Variants in DCUN1D1 observed in about 807,000 individuals in gnomAD.
The protein encoded by DCUN1D1 is defective in cullin neddylation 1 domain containing 1.
DCUN1D1 carries 3 observed loss-of-function variants against 39.0 expected under a neutral mutation model. The observed-to-expected ratio is 0.08, with a 90% confidence interval of 0.04 to 0.20. DCUN1D1 has a LOEUF of 0.20. Among genes scored for constraint, DCUN1D1 ranks in the 10% least tolerant of loss-of-function variants. The pLI is 1.00. For synonymous variants in DCUN1D1, 82 were observed against 96.3 expected (o/e 0.85, Z 0.87); for missense variants, 158 against 302.4 (o/e 0.52, Z 3.54).
intron 4 of DCUN1D1, among the ~76,000 whole-genome samples, chr3:182,951,617 C>CAAAAAAAAA (rs748698621): frequency 2.3e-5 from 1 of 44,382 alleles, no homozygotes; most frequent in African/African-American, 8.1e-5. Context: ...CCCTGTCTCC[C>CAAAAAAAAA]AAAAAAAAAA....
At chr3:182,974,875 T>C (rs1157359913) in intron 1 of DCUN1D1, among the ~76,000 whole-genome samples, 2 of 152,092 alleles carry the variant, frequency 1.3e-5, no homozygotes, top group African/African-American at 4.8e-5. Context: ...ACTATTTCAG[T>C]GATTTTTTTT....
At chr3:182,949,266 G>C (rs1726581495) in intron 4 of DCUN1D1, among the ~76,000 whole-genome samples, 1 of 152,130 alleles carries the variant, frequency 6.6e-6, no homozygotes, top group African/African-American at 2.4e-5. Flanking sequence ...GGGAGGCTGA[G>C]ACAGGAGAAT....
At chr3:182,968,583 G>C (rs1348376986) in intron 1 of DCUN1D1, among the ~76,000 whole-genome samples, 2 of 150,798 alleles carry the variant, frequency 1.3e-5, no homozygotes, top group Non-Finnish European at 3.0e-5. Context: ...TGTAATAAAT[G>C]ATATATATAT....
At chr3:182,948,691 A>G (rs183640494) in intron 4 of DCUN1D1, among the ~76,000 whole-genome samples, 158 of 152,310 alleles carry the variant, frequency 1.0e-3, no homozygotes, top group Middle Eastern at 6.8e-3. Context: ...ACCATTCTTT[A>G]TAATTGAGAA....
At chr3:182,971,670 T>G (rs894914954) in intron 1 of DCUN1D1, among the ~76,000 whole-genome samples, 1 of 152,136 alleles carries the variant, frequency 6.6e-6, no homozygotes, top group Non-Finnish European at 1.5e-5. Context: ...GAGCTTCTAC[T>G]GTGTGCCAGG....
chr3:182,982,462 T>C (rs2108413082), upstream of DCUN1D1, among the ~76,000 whole-genome samples: 1 of 152,268 alleles, frequency 6.6e-6, no homozygotes, highest in South Asian at 2.1e-4. Context: ...TCTAAAACTT[T>C]ATCCCCAAAC....
At chr3:182,963,735 A>G (rs1727520289) in intron 3 of DCUN1D1, 146 bp downstream of exon 3, 1 of 660,984 alleles carries the variant, frequency 1.5e-6, no homozygotes, top group Non-Finnish European at 2.4e-6. Flanking sequence ...AAAAAACTGT[A>G]TAACATGGAA....
At chr3:182,959,423 C>T (rs1406720851) in intron 4 of DCUN1D1, among the ~76,000 whole-genome samples, 3 of 150,766 alleles carry the variant, frequency 2.0e-5, no homozygotes, top group Non-Finnish European at 4.4e-5. Flanking sequence ...ATACTTTTTC[C>T]CCCCAATTTA....
intron 1 of DCUN1D1, among the ~76,000 whole-genome samples, chr3:182,969,959 G>C (rs757379963): frequency 3.3e-5 from 5 of 152,096 alleles, no homozygotes; most frequent in African/African-American, 4.8e-5. Context: ...AGAAATTCAA[G>C]AATTAAGAGA....
At chr3:182,971,038 A>G (rs1727910076) in intron 1 of DCUN1D1, among the ~76,000 whole-genome samples, 1 of 152,234 alleles carries the variant, frequency 6.6e-6, no homozygotes, top group Non-Finnish European at 1.5e-5. Flanking sequence ...CTACCTGTAC[A>G]GAGGCAATAT....
intron 1 of DCUN1D1, among the ~76,000 whole-genome samples, 153 bp downstream of exon 1, chr3:182,980,334 G>A (rs1458255365): frequency 6.6e-6 from 1 of 151,604 alleles, no homozygotes; most frequent in Non-Finnish European, 1.5e-5. Flanking sequence ...GGGAGAGGCA[G>A]GCAGGAGAGC....
Position 182,938,871 on chromosome 3 carries a change from A to G in DCUN1D1, c.*6223T>C, listed in dbSNP as rs916594674. ...GTTTAATTACCACCACCAGTCAGTC[A>G]TAGGCTAGTCGAGTAGCTGTATCAA... On this transcript the variant is annotated 3_prime_UTR_variant, in exon 7 of 7. Coordinates refer to ENST00000292782, the MANE Select transcript of DCUN1D1 (RefSeq NM_020640.4). 6.6e-6 allele frequency: 1 copy of G among 152,346 alleles called. No individual in the cohort carries two copies. Among genetic ancestry groups the G allele is most frequent in the African/African-American group, 2.4e-5 (1 of 41,470 alleles). The allele number at this position is 152,346 out of a possible 1,614,324, so 9.4% of individuals were successfully genotyped here.
rs986030183 is a variant in DCUN1D1 at position 182,980,430 on chromosome 3, T to C, written c.3+57A>G. On this transcript the variant is annotated intron_variant, in intron 1 of 6. Coordinates refer to ENST00000292782, the MANE Select transcript of DCUN1D1 (RefSeq NM_020640.4). ...GGACGGAGGGCGGCCGGGGCGGGGG[T>C]GCGCGGCAGCGCCGGCCCCCAGCCG... The C allele has an allele frequency of 7.8e-6, 8 of 1,029,136 alleles. No homozygotes were observed. In the Admixed American group the frequency reaches 1.7e-4, roughly 22 times the overall value. The allele number at this position is 1,029,136 out of a possible 1,614,324, so 63.8% of individuals were successfully genotyped here.
intron 1 of DCUN1D1, among the ~76,000 whole-genome samples, chr3:182,979,592 G>A (rs1728412671): frequency 6.8e-5 from 2 of 29,210 alleles, no homozygotes; most frequent in South Asian, 2.0e-3. Flanking sequence ...AGCCTGGAGA[G>A]GACTTTTTCC....
intron 4 of DCUN1D1, among the ~76,000 whole-genome samples, chr3:182,952,312 T>C (rs911522847): frequency 6.6e-6 from 1 of 152,218 alleles, no homozygotes; most frequent in South Asian, 2.1e-4. Flanking sequence ...GTCCATTACA[T>C]GTTGGTGTTT....
chr3:182,966,246 C>T (rs140966981), intron 1 of DCUN1D1, among the ~76,000 whole-genome samples: 14 of 152,074 alleles, frequency 9.2e-5, no homozygotes, highest in African/African-American at 1.2e-4. Flanking sequence ...AAGGATATGG[C>T]GTGGGAAGAG....
rs375583162 is a variant in DCUN1D1 at position 182,965,782 on chromosome 3, T to C, written c.4-29A>G. On this transcript the variant is annotated intron_variant, in intron 1 of 6. Coordinates refer to ENST00000292782, the MANE Select transcript of DCUN1D1 (RefSeq NM_020640.4). ...TTGAAACCAGAAAATAAACTGAAAC[T>C]CTATGTAAAATCACATAAGACTAAA... 4.0e-6 allele frequency: 6 copies of C among 1,488,076 alleles called. No homozygotes were observed. In the African/African-American group the frequency reaches 8.4e-5, roughly 21 times the overall value. 92.2% of individuals were successfully genotyped at this position (1,488,076 alleles called of 1,614,324 possible). A position where few individuals can be genotyped will look rare whatever the true frequency, so the allele number is the denominator to read the frequency against.
chr3:182,952,120 T>C (rs1057214343), intron 4 of DCUN1D1, among the ~76,000 whole-genome samples: 3 of 152,210 alleles, frequency 2.0e-5, no homozygotes, highest in Admixed American at 6.5e-5. Flanking sequence ...TGAAGGGTCA[T>C]CAGACCCTCT....
At chr3:182,985,655 T>C (rs1373725899) in intron 1 of DCUN1D1, 1 of 151,822 alleles carries the variant, frequency 6.6e-6, no homozygotes, top group Non-Finnish European at 1.5e-5. Flanking sequence ...AAGTTAAAAG[T>C]AAATAAATAA....
Sources: gnomAD v4.1 joint callset for allele counts (sites outside exome capture counted in the v4.1 genomes callset) on GRCh38, gnomAD v4.1.1 for gene constraint, MANE v1.5 for transcripts, NCBI Gene and HGNC (gene_info 2026-07-23, HGNC 2026-07-21) for gene names.